Variants in TRMT11 observed in about 807,000 individuals in gnomAD.
The protein encoded by TRMT11 is tRNA methyltransferase 11, also known as tRNA (guanine(10)-N(2))-methyltransferase TRMT11.
Under a neutral mutation model 62.8 loss-of-function variants are expected in TRMT11, and 53 were observed. That is an observed-to-expected ratio of 0.84 (90% CI 0.68 to 1.06). The LOEUF is 1.06. Among genes scored for constraint, TRMT11 ranks in the 50% least tolerant of loss-of-function variants. TRMT11 has a pLI of 0.00. For synonymous variants in TRMT11, 188 were observed against 190.3 expected (o/e 0.99, Z 0.10); for missense variants, 556 against 553.4 (o/e 1.00, Z -0.05).
intron 11 of TRMT11, among the ~76,000 whole-genome samples, chr6:126,013,357 A>C (rs528755153): frequency 1.1e-4 from 16 of 152,192 alleles, no homozygotes; most frequent in Non-Finnish European, 1.5e-4. Context: ...CCCAGGCTCA[A>C]GTGATCCTCC....
chr6:126,115,978 G>A (rs909129574), intron 21 of TRMT11, among the ~76,000 whole-genome samples: 6 of 149,444 alleles, frequency 4.0e-5, no homozygotes, highest in East Asian at 2.0e-4. Flanking sequence ...CTGGGTTTTC[G>A]TAATCCCTTG....
chr6:126,177,456 C>T (rs1241494898), intron 1 of TRMT11: 1 of 152,132 alleles, frequency 6.6e-6, no homozygotes, highest in East Asian at 1.9e-4. Flanking sequence ...ACTTGTTTAG[C>T]TATTTCTTCT....
At chr6:126,198,733 G>A (rs1778700329) in intron 1 of TRMT11, 1 of 152,164 alleles carries the variant, frequency 6.6e-6, no homozygotes, top group African/African-American at 2.4e-5. Context: ...GTAGTGAGAG[G>A]GTAAAAATAA....
chr6:126,242,181 A>G, the TRMT11 span, among the ~76,000 whole-genome samples: 2 of 152,218 alleles, frequency 1.3e-5, no homozygotes, highest in Non-Finnish European at 2.9e-5. Context: ...ACTCCCATTC[A>G]CAATTGCTTC....
the TRMT11 span, among the ~76,000 whole-genome samples, chr6:126,238,467 T>C: frequency 6.6e-6 from 1 of 152,212 alleles, no homozygotes; most frequent in Non-Finnish European, 1.5e-5. Context: ...TTTCGTTATG[T>C]ACCCAGTAGT....
At chr6:126,260,778 T>C in the TRMT11 span, among the ~76,000 whole-genome samples, 1 of 152,202 alleles carries the variant, frequency 6.6e-6, no homozygotes, top group Non-Finnish European at 1.5e-5. Context: ...AGTTTTCTGC[T>C]AAGAAATCTG....
At chr6:126,043,715 G>A (rs1775955068), downstream of TRMT11, among the ~76,000 whole-genome samples, 1 of 150,598 alleles carries the variant, frequency 6.6e-6, no homozygotes, top group Admixed American at 6.6e-5. Context: ...TCCAGCACCT[G>A]TTGTTTCCTG....
At chr6:126,165,600 A>T (rs1778248535) in intron 21 of TRMT11, among the ~76,000 whole-genome samples, 1 of 152,146 alleles carries the variant, frequency 6.6e-6, no homozygotes, top group Non-Finnish European at 1.5e-5. Flanking sequence ...AAGAATGTTG[A>T]ATATTGGTCC....
At chr6:126,066,935 A>T (rs901940625) in intron 17 of TRMT11, among the ~76,000 whole-genome samples, 1 of 152,084 alleles carries the variant, frequency 6.6e-6, no homozygotes, top group African/African-American at 2.4e-5. Flanking sequence ...AAAAAAAAAA[A>T]AAATAAGGGC....
intron 21 of TRMT11, among the ~76,000 whole-genome samples, chr6:126,151,948 C>CTTTCTTTCTTT (rs1778061988): frequency 2.8e-5 from 2 of 71,460 alleles, no homozygotes; most frequent in East Asian, 3.7e-4. Context: ...TCTTTCTTTT[C>CTTTCTTTCTTT]TTTCTTTCTT....
intron 21 of TRMT11, among the ~76,000 whole-genome samples, chr6:126,154,986 C>A (rs1045288435): frequency 6.6e-6 from 1 of 152,190 alleles, no homozygotes; most frequent in Admixed American, 6.5e-5. Context: ...TTTTCCATAC[C>A]TCACTGGTGT....
the TRMT11 span, among the ~76,000 whole-genome samples, chr6:126,267,396 T>C: frequency 2.0e-5 from 3 of 152,214 alleles, no homozygotes; most frequent in African/African-American, 7.2e-5. Context: ...TTTATGACTC[T>C]GGTCCAATAT....
chr6:126,069,539 AT>A (rs1416775753), intron 17 of TRMT11, among the ~76,000 whole-genome samples: 1 of 152,198 alleles, frequency 6.6e-6, no homozygotes, highest in East Asian at 1.9e-4. Flanking sequence ...CCAACACTGA[AT>A]TATGCCTGGT....
chr6:125,994,929 A>G lies in TRMT11; in HGVS notation c.139-1038A>G, dbSNP rs797019221. 4.6e-5 allele frequency among the ~76,000 whole-genome samples: 7 copies of G among 152,310 alleles called. No individual in the cohort carries two copies. The East Asian group carries it at 9.7e-4, about 21-fold the overall frequency. ...CACTTATAAGTGGGAGCTGAATAAT[A>G]AGAACATATGGACATGTCCAGGGAA... On this transcript the variant is annotated intron_variant, in intron 2 of 12. Coordinates refer to ENST00000334379, the MANE Select transcript of TRMT11 (RefSeq NM_001031712.3).
intron 21 of TRMT11, among the ~76,000 whole-genome samples, chr6:126,130,328 C>T (rs1777766634): frequency 6.6e-6 from 1 of 152,082 alleles, no homozygotes; most frequent in Non-Finnish European, 1.5e-5. Context: ...TAATAATTGA[C>T]ACCTACATAG....
At chr6:126,122,157 C>T (rs548413707) in intron 21 of TRMT11, among the ~76,000 whole-genome samples, 19 of 152,196 alleles carry the variant, frequency 1.2e-4, no homozygotes, top group Non-Finnish European at 2.2e-4. Context: ...TCATCTTCTG[C>T]CATGATTGTG....
the TRMT11 span, among the ~76,000 whole-genome samples, chr6:126,233,804 CATAAA>C: frequency 6.6e-6 from 1 of 152,082 alleles, no homozygotes; most frequent in East Asian, 1.9e-4. Flanking sequence ...CTAATGCAGT[CATAAA>C]ATAAAATTTC....
intron 3 of TRMT11, among the ~76,000 whole-genome samples, chr6:125,996,664 C>A (rs1583643154): frequency 2.0e-5 from 3 of 152,048 alleles, no homozygotes; most frequent in African/African-American, 7.2e-5. Flanking sequence ...GTATTTTTAA[C>A]TAGCATCTTA....
intron 12 of TRMT11, among the ~76,000 whole-genome samples, chr6:126,024,743 C>G (rs182581983): frequency 4.0e-4 from 61 of 152,272 alleles, no homozygotes; most frequent in African/African-American, 1.4e-3. Context: ...TAAGAGGAGT[C>G]TGTTGTACGT....
Sources: gnomAD v4.1 joint callset for allele counts (sites outside exome capture counted in the v4.1 genomes callset) on GRCh38, gnomAD v4.1.1 for gene constraint, MANE v1.5 for transcripts, NCBI Gene and HGNC (gene_info 2026-07-23, HGNC 2026-07-21) for gene names.